Variants in MRGPRX3 observed in about 807,000 individuals in gnomAD.
MRGPRX3 encodes the protein MAS related GPR family member X3, also known as mas-related G protein-coupled receptor member X3.
A neutral mutation model predicts 16.5 loss-of-function variants in MRGPRX3; 14 were observed. The ratio of observed to expected loss-of-function variants is 0.85; its 90% CI spans 0.56 to 1.33. The LOEUF (loss-of-function observed/expected upper bound fraction) is 1.33. Among genes scored for constraint, MRGPRX3 ranks in the 40% most tolerant of loss-of-function variants. The pLI is 0.00. For synonymous variants in MRGPRX3, 199 were observed against 180.1 expected (o/e 1.10, Z -0.84); for missense variants, 449 against 413.0 (o/e 1.09, Z -0.76).
At chr11:18,131,593 A>G (rs972591500), upstream of MRGPRX3, among the ~76,000 whole-genome samples, 3 of 152,170 alleles carry the variant, frequency 2.0e-5, no homozygotes, top group Non-Finnish European at 4.4e-5. Flanking sequence ...TGGGAATGTA[A>G]ACTTGCGCAA....
upstream of MRGPRX3, among the ~76,000 whole-genome samples, chr11:18,128,799 C>T (rs570253265): frequency 8.6e-5 from 13 of 151,436 alleles, no homozygotes; most frequent in Non-Finnish European, 1.2e-4. Context: ...ACCCACTGTC[C>T]GACAATCCCC....
intron 1 of MRGPRX3, among the ~76,000 whole-genome samples, chr11:18,122,749 G>A (rs181172893): frequency 6.6e-6 from 1 of 152,224 alleles, no homozygotes; most frequent in Admixed American, 6.5e-5. Flanking sequence ...CTAGATCCTT[G>A]AGGAATCGCC....
intron 1 of MRGPRX3, among the ~76,000 whole-genome samples, chr11:18,122,347 C>T (rs1848848739): frequency 6.6e-6 from 1 of 152,196 alleles, no homozygotes; most frequent in Non-Finnish European, 1.5e-5. Context: ...TGCTATCCCT[C>T]CCACGACAGG....
Position 18,137,477 on chromosome 11 carries a change from A to G in MRGPRX3, c.275A>G (p.His92Arg), listed in dbSNP as rs778361617. The change falls in exon 2 of 2, where the codon CAT (histidine) becomes CGT (arginine). Residue 92 changes from histidine (H) to arginine (R), a missense_variant. His to Arg is a conservative substitution (Grantham distance 29). Coordinates refer to ENST00000621697, the MANE Select transcript of MRGPRX3 (RefSeq NM_001370464.1). The stretch of plus-strand genomic sequence containing the variant: ...CCGTTACGCCTCATCAATATCCGCC[A>G]TCCCATCTCCAAAATCCTCAGTCCT... ...CSPLRLINIRHPISKILSPVM... is the reference protein window; with the variant it reads ...CSPLRLINIRRPISKILSPVM... 17 of 1,614,068 alleles carry G rather than the reference A, an allele frequency of 1.1e-5. No individual in the cohort carries two copies. The South Asian group carries it at 1.5e-4, about 15-fold the overall frequency.
At chr11:18,122,181 A>G (rs985890331) in intron 1 of MRGPRX3, among the ~76,000 whole-genome samples, 1 of 152,082 alleles carries the variant, frequency 6.6e-6, no homozygotes, top group Non-Finnish European at 1.5e-5. Context: ...AAGAGATAAC[A>G]TTCCTTCAAA....
At chr11:18,127,935 A>G (rs1242869547), upstream of MRGPRX3, among the ~76,000 whole-genome samples, 2 of 152,168 alleles carry the variant, frequency 1.3e-5, no homozygotes, top group Non-Finnish European at 2.9e-5. Context: ...ATGGTGATAT[A>G]CAGATGGGGT....
At chr11:18,134,997 C>T (rs978403241) in intron 1 of MRGPRX3, among the ~76,000 whole-genome samples, 13 of 152,272 alleles carry the variant, frequency 8.5e-5, no homozygotes, top group Admixed American at 3.3e-4. Flanking sequence ...TGATTCTGTG[C>T]TCACATCAAG....
chr11:18,137,645 C>G lies in MRGPRX3; in HGVS notation c.443C>G (p.Ala148Gly), dbSNP rs1483741041. The G allele has an allele frequency of 1.9e-6, 3 of 1,614,008 alleles. No homozygotes were observed. The highest frequency in any genetic ancestry group is 2.2e-5 in the East Asian group (1 of 44,890). ...TCAGTCATGTGTGTCCTGCTCTGGG[C>G]CCTGTCCCTGCTGCGGAGTATCCTG... ...LSSVMCVLLW[A>G]LSLLRSILEW... The change falls in exon 2 of 2, where the codon GCC becomes GGC. Residue 148 changes from alanine to glycine, a missense_variant. By Grantham distance (60) the Ala-to-Gly change is moderately conservative (BLOSUM62 0). Transcript: ENST00000621697.
chr11:18,137,766 T>C lies in MRGPRX3; in HGVS notation c.564T>C (p.Cys188=). 6.2e-7 allele frequency: 1 copy of C among 1,614,128 alleles called. No homozygotes were observed. The highest frequency in any genetic ancestry group is 1.1e-5 in the South Asian group (1 of 91,074). ...FITIAWLVFL[C]VVLCGSSLVL... ...CAATCGCGTGGCTGGTTTTTTTATG[T>C]GTGGTTCTCTGTGGGTCCAGCCTGG... Residue 188 remains cysteine, a synonymous_variant, in exon 2 of 2, where the codon TGT becomes TGC. Coordinates refer to ENST00000621697, the MANE Select transcript of MRGPRX3 (RefSeq NM_001370464.1).
chr11:18,123,653 A>G (rs1466819922), intron 1 of MRGPRX3, among the ~76,000 whole-genome samples: 7 of 152,106 alleles, frequency 4.6e-5, no homozygotes, highest in South Asian at 2.1e-4. Flanking sequence ...TTGGCTTAGG[A>G]TTGACTTGGC....
At chr11:18,136,223 C>T (rs1849006467) in intron 1 of MRGPRX3, among the ~76,000 whole-genome samples, 1 of 152,212 alleles carries the variant, frequency 6.6e-6, no homozygotes, top group Non-Finnish European at 1.5e-5. Context: ...TATTCCCACA[C>T]TTCAATTACC....
At position 18,137,527 on chromosome 11, in the gene MRGPRX3, GGCCTAAGCATGCTGAGC is replaced by G. The variant is rs1564882149; in HGVS notation, c.329_345del (p.Leu110HisfsTer47). 1 of 1,614,076 alleles carries G rather than the reference GGCCTAAGCATGCTGAGC, an allele frequency of 6.2e-7. No homozygotes were observed. Among genetic ancestry groups the G allele is most frequent in the South Asian group, 1.1e-5 (1 of 91,066 alleles). On this transcript the variant is annotated frameshift_variant, in exon 2 of 2. Coordinates refer to ENST00000621697, the MANE Select transcript of MRGPRX3 (RefSeq NM_001370464.1). LOFTEE classifies it high-confidence loss of function. ...TGTGATGACCTTTCCCTACTTTATA[GGCCTAAGCATGCTGAGC>G]GCCATCAGCACCGAGCGCTGCCTGT...
intron 1 of MRGPRX3, among the ~76,000 whole-genome samples, chr11:18,126,078 T>A (rs1848892266): frequency 6.6e-6 from 1 of 152,234 alleles, no homozygotes; most frequent in South Asian, 2.1e-4. Flanking sequence ...TTTGAGCCTA[T>A]CTGTGTCTCT....
At chr11:18,123,402 A>G (rs1425358357) in intron 1 of MRGPRX3, among the ~76,000 whole-genome samples, 2 of 152,192 alleles carry the variant, frequency 1.3e-5, no homozygotes, top group Non-Finnish European at 2.9e-5. Flanking sequence ...AGCTTTCTAC[A>G]TATGGCTAGC....
chr11:18,137,452 C>T lies in MRGPRX3; in HGVS notation c.250C>T (p.Pro84Ser), dbSNP rs1048441737. 2.5e-6 allele frequency: 4 copies of T among 1,614,078 alleles called. No individual in the cohort carries two copies. In the African/African-American group the frequency reaches 5.3e-5, roughly 22 times the overall value. The change falls in exon 2 of 2, where the codon CCG (proline) becomes TCG (serine). Residue 84 changes from proline to serine, a missense_variant. Pro to Ser is a moderately conservative substitution (Grantham distance 74). Transcript: ENST00000621697. The stretch of plus-strand genomic sequence containing the variant: ...CCTTAGCGGCCACATTATATGTTCG[C>T]CGTTACGCCTCATCAATATCCGCCA... ...LFLSGHIICSPLRLINIRHPI... is the reference protein window; with the variant it reads ...LFLSGHIICSSLRLINIRHPI...
intron 1 of MRGPRX3, among the ~76,000 whole-genome samples, chr11:18,121,615 A>G (rs1188230159): frequency 6.6e-6 from 1 of 152,264 alleles, no homozygotes; most frequent in Non-Finnish European, 1.5e-5. Flanking sequence ...CTGTGTGGAA[A>G]GAAGTAGACA....
intron 1 of MRGPRX3, among the ~76,000 whole-genome samples, chr11:18,123,958 T>C (rs1848865693): frequency 6.6e-6 from 1 of 151,850 alleles, no homozygotes; most frequent in Non-Finnish European, 1.5e-5. Flanking sequence ...CAATTGTGAA[T>C]AGGAGTTCAC....
chr11:18,128,482 C>T (rs1353942487), upstream of MRGPRX3, among the ~76,000 whole-genome samples: 1 of 152,230 alleles, frequency 6.6e-6, no homozygotes, highest in Non-Finnish European at 1.5e-5. Flanking sequence ...CAATGGCGGG[C>T]ACCCCTCCCC....
At chr11:18,126,586 CA>C (rs1235022527) in intron 1 of MRGPRX3, among the ~76,000 whole-genome samples, 1 of 152,050 alleles carries the variant, frequency 6.6e-6, no homozygotes. Context: ...TGGTGTGCTG[CA>C]CCCATTAACT....
Sources: gnomAD v4.1 joint callset for allele counts (sites outside exome capture counted in the v4.1 genomes callset) on GRCh38, gnomAD v4.1.1 for gene constraint, MANE v1.5 for transcripts, NCBI Gene and HGNC (gene_info 2026-07-23, HGNC 2026-07-21) for gene names.